The following NCAPD3 variants were observed in gnomAD, a reference collection of about 807,000 sequenced individuals.
NCAPD3 encodes non-SMC condensin II complex subunit D3, also known as condensin-2 complex subunit D3.
NCAPD3 carries 105 observed loss-of-function variants against 182.9 expected under a neutral mutation model. The observed-to-expected ratio is 0.57, with a 90% CI of 0.49 to 0.68. The LOEUF is 0.68. NCAPD3 is among the 30% of genes least tolerant of loss of function. The pLI, the probability that NCAPD3 is intolerant of heterozygous loss-of-function variation, is 0.00. For missense variants in NCAPD3, 1,944 were observed against 1,837.0 expected (o/e 1.06, Z -1.07); for synonymous variants, 815 against 679.9 (o/e 1.20, Z -3.09).
rs776324400 is a variant in NCAPD3, at chr11:134,203,178, C to G, written c.1489G>C (p.Glu497Gln). The change falls in exon 12 of 35, where the codon GAG becomes CAG. Residue 497 changes from glutamate (E) to glutamine (Q), a missense_variant. Physicochemically the swap from Glu to Gln is conservative, Grantham distance 29. This residue lies in a region of NCAPD3 where 1,803 missense variants were observed against 1,674.6 expected (regional missense o/e 1.08). Coordinates refer to ENST00000534548, the MANE Select transcript of NCAPD3 (RefSeq NM_015261.3). ...LINSPTFSVI[E>Q]SHPGTLLRNS... ...CTCAGTAAGGTACCAGGGTGACTCT[C>G]TATTACAGAAAACGTAGGACCTAAA... 6.9e-6 allele frequency: 11 copies of G among 1,598,530 alleles called. No individual in the cohort carries two copies. In the African/African-American group the frequency reaches 1.5e-4, roughly 21 times the overall value.
At chr11:134,192,044 C>T (rs573638157) in intron 16 of NCAPD3, among the ~76,000 whole-genome samples, 4 of 152,246 alleles carry the variant, frequency 2.6e-5, no homozygotes, top group South Asian at 4.1e-4. Flanking sequence ...TTTTGGATTA[C>T]GGATGCTCAA....
At chr11:134,171,339 G>A (rs1426201027) in intron 24 of NCAPD3, among the ~76,000 whole-genome samples, 2 of 152,100 alleles carry the variant, frequency 1.3e-5, no homozygotes, top group African/African-American at 2.4e-5. Context: ...ACTAAGAATC[G>A]AAATCCAGGA....
chr11:134,217,154 C>G, intron 2 of NCAPD3, 56 bp from the exon 3 acceptor site: 9 of 1,434,100 alleles, frequency 6.3e-6, no homozygotes, highest in Non-Finnish European at 8.3e-6. Flanking sequence ...GAAACATTTC[C>G]TATTATTTGA....
chr11:134,174,015 C>G (rs1286922307), intron 24 of NCAPD3, among the ~76,000 whole-genome samples: 3 of 151,686 alleles, frequency 2.0e-5, no homozygotes, highest in Admixed American at 1.3e-4. Flanking sequence ...CCCAGAACCT[C>G]TAAGAAAAAA....
rs777529358 is a variant in NCAPD3, at chr11:134,176,354, G to A, written c.3054C>T (p.Phe1018=). Residue 1018 remains phenylalanine, a synonymous_variant, in exon 24 of 35, where the codon TTC becomes TTT. Coordinates refer to ENST00000534548, the MANE Select transcript of NCAPD3 (RefSeq NM_015261.3). The part of the protein sequence containing the change: ...EEFVKWKGSL[F]FRFVSTLIDS... Reference sequence around the variant, plus strand: ...CGATCAGAGTGCTGACAAATCGGAAGAACAGGGAGCCCTTCCATTTCACAA... The same window carrying A: ...CGATCAGAGTGCTGACAAATCGGAAAAACAGGGAGCCCTTCCATTTCACAA... 3.1e-6 allele frequency: 5 copies of A among 1,614,092 alleles called. No homozygotes were observed. The South Asian group carries it at 3.3e-5, about 11-fold the overall frequency.
Position 134,152,945 on chromosome 11 carries a change from T to C in NCAPD3, c.4496A>G (p.Ter1499=), listed in dbSNP as rs746649872. ...LRKTPLKTAN[*] Reference sequence around the variant, plus strand: ...CTGGACACTGGTGGGAGGCGCTGTTTAGTTGGCTGTTTTCAGAGGGGTCTT... The same window carrying C: ...CTGGACACTGGTGGGAGGCGCTGTTCAGTTGGCTGTTTTCAGAGGGGTCTT... Residue 1499 remains the stop codon, a stop_retained_variant, in exon 35 of 35, where the codon TAA becomes TGA. Transcript: ENST00000534548. The C allele has an allele frequency of 3.2e-5, 50 of 1,546,922 alleles. No individual in the cohort carries two copies. The highest frequency in any genetic ancestry group is 4.3e-5 in the Non-Finnish European group (49 of 1,147,650).
At chr11:134,214,092 A>G (rs1396854197) in intron 3 of NCAPD3, among the ~76,000 whole-genome samples, 1 of 151,936 alleles carries the variant, frequency 6.6e-6, no homozygotes, top group Non-Finnish European at 1.5e-5. Flanking sequence ...TTTACAGAAT[A>G]CTAGATCCAA....
rs1944542182 is a variant in NCAPD3, at chr11:134,192,446, TC to T, written c.2045+242del. ...TCTACTACATATGAAGACACCAAAA[TC>T]TGAAACTGGAAAGCGTCAGACAGAT... On this transcript the variant is annotated intron_variant, in intron 16 of 34. Transcript: ENST00000534548. Among the ~76,000 whole-genome samples, 3 of 152,106 alleles carry T rather than the reference TC, an allele frequency of 2.0e-5. 1 individual carries two copies. Among genetic ancestry groups the T allele is most frequent in the Admixed American group, 2.0e-4 (3 of 15,282 alleles).
At chr11:134,165,532 A>C (rs983950990) in intron 27 of NCAPD3, among the ~76,000 whole-genome samples, 5 of 142,902 alleles carry the variant, frequency 3.5e-5, no homozygotes, top group African/African-American at 1.3e-4. Flanking sequence ...CACTTGTGAG[A>C]TGAGCTTAGG....
At chr11:134,160,137 CCCA>C (rs1413824064) in intron 28 of NCAPD3, 63 bp from the exon 29 acceptor site, 16 of 1,545,228 alleles carry the variant, frequency 1.0e-5, no homozygotes, top group South Asian at 2.4e-5. Context: ...GCCCTAAACC[CCCA>C]CGACACACCT....
chr11:134,168,234 A>G, intron 26 of NCAPD3, 39 bp from the exon 27 acceptor site: 2 of 1,585,438 alleles, frequency 1.3e-6, no homozygotes, highest in Non-Finnish European at 1.7e-6. Context: ...AGCTTCTGAG[A>G]AATGCTCTGG....
intron 16 of NCAPD3, 122 bp downstream of exon 16, chr11:134,192,567 A>T: frequency 1.3e-6 from 1 of 789,628 alleles, no homozygotes; most frequent in South Asian, 1.8e-5. Flanking sequence ...ACCAATACTT[A>T]ATCTTCACAT....
rs188645302 is a variant in NCAPD3 at position 134,209,622 on chromosome 11, T to C, written c.568-145A>G. ...TATGACTTTGACCAGGTCGCATGAC[T>C]GTTCTAGGTCTCCTTGGCCACAACA... On this transcript the variant is annotated intron_variant, in intron 4 of 34. Transcript: ENST00000534548. The C allele has an allele frequency of 7.4e-5, 51 of 692,982 alleles. No individual in the cohort carries two copies. The East Asian group carries it at 1.1e-3, about 15-fold the overall frequency. The allele number at this position is 692,982 out of a possible 1,614,324, so 42.9% of individuals were successfully genotyped here.
intron 27 of NCAPD3, among the ~76,000 whole-genome samples, chr11:134,167,323 G>A (rs1439088093): frequency 1.3e-5 from 1 of 76,184 alleles, no homozygotes; most frequent in Non-Finnish European, 2.3e-5. Flanking sequence ...CTTGTGAAAT[G>A]AGCCTGGGGG....
In NCAPD3 at chr11:134,210,337, T is replaced by G. The variant is rs1178810472; in HGVS notation, c.500A>C (p.Lys167Thr). ...LNRKRKKEQP[K>T]SSQANPGRHR... ...CCTCCCGGGGTTAGCCTGAGAGCTC[T>G]TAGGCTGTTCTTTCTTTCTTTTCCG... Residue 167 changes from lysine to threonine, a missense_variant, in exon 4 of 35, where the codon AAG (lysine) becomes ACG (threonine). Physicochemically the swap from Lys to Thr is moderately conservative, Grantham distance 78 (BLOSUM62 -1). Around this residue, in one of 3 missense-constraint regions of NCAPD3, gnomAD observed 1,803 missense variants for 1,674.6 expected, o/e 1.08. Coordinates refer to ENST00000534548, the MANE Select transcript of NCAPD3 (RefSeq NM_015261.3). The G allele has an allele frequency of 6.2e-7, 1 of 1,614,220 alleles. No individual in the cohort carries two copies. The highest frequency in any genetic ancestry group is 2.2e-5 in the East Asian group (1 of 44,886).
intron 24 of NCAPD3, 113 bp downstream of exon 24, chr11:134,176,194 G>A (rs745598194): frequency 5.8e-5 from 52 of 890,174 alleles, no homozygotes; most frequent in South Asian, 1.0e-4. Context: ...GGCACCTACC[G>A]AAAGCTCACT....
intron 11 of NCAPD3, among the ~76,000 whole-genome samples, 160 bp from the exon 12 acceptor site, chr11:134,203,358 C>A (rs979293532): frequency 6.6e-6 from 1 of 152,142 alleles, no homozygotes. Flanking sequence ...TGCATTGAAA[C>A]GGAGATTCAT....
chr11:134,200,124 A>T (rs1591852705), intron 13 of NCAPD3, among the ~76,000 whole-genome samples: 1 of 152,228 alleles, frequency 6.6e-6, no homozygotes, highest in Admixed American at 6.5e-5. Flanking sequence ...CCTAAATGTG[A>T]GAGCTAAAAC....
chr11:134,178,489 T>C (rs1323308652), intron 22 of NCAPD3, 145 bp downstream of exon 22: 3 of 583,496 alleles, frequency 5.1e-6, no homozygotes, highest in Non-Finnish European at 8.7e-6. Flanking sequence ...AGCACTCAGA[T>C]CAGAGCCACC....
Sources: allele counts gnomAD v4.1 joint callset (sites outside exome capture counted in the v4.1 genomes callset), GRCh38; gene constraint gnomAD v4.1.1; regional missense constraint gnomAD v4.1.1; transcripts MANE v1.5; gene names NCBI Gene and HGNC (gene_info 2026-07-23, HGNC 2026-07-21).